Variants in UBE2E1 observed in about 807,000 individuals in gnomAD.
The protein encoded by UBE2E1 is ubiquitin conjugating enzyme E2 E1.
A neutral mutation model predicts 21.4 loss-of-function variants in UBE2E1; 6 were observed. That is an observed-to-expected ratio of 0.28 (90% CI 0.15 to 0.55). The LOEUF is 0.55. UBE2E1 is among the 20% of genes least tolerant of loss of function. The pLI is 0.93. For synonymous variants in UBE2E1, 87 were observed against 82.7 expected (o/e 1.05, Z -0.28); for missense variants, 142 against 236.5 (o/e 0.60, Z 2.62).
In UBE2E1 at chr3:23,870,616, T is replaced by C. The variant is rs1700762588; in HGVS notation, c.204-16951T>C. ...GCTCAGGAGTTCAAGTGGCTTCTCT[T>C]ATTTCCAAAACTATAAAACTGTTCA... On this transcript the variant is annotated intron_variant, in intron 3 of 5. Transcript: ENST00000306627. This position sits in a 1 kb window ranked among gnomAD's most constrained non-coding sequence, Gnocchi z 4.2. 6.6e-6 allele frequency among the ~76,000 whole-genome samples: 1 copy of C among 152,242 alleles called. No homozygotes were observed. The highest frequency in any genetic ancestry group is 1.5e-5 in the Non-Finnish European group (1 of 68,044).
chr3:23,836,835 ATGAT>A lies in UBE2E1; in HGVS notation c.203+25330_203+25333del, dbSNP rs539603594. ...CAGGAATCTATTCATTCTGCACACT[ATGAT>A]TGATCTAGTTTATGTTCTCTTTGTG... On this transcript the variant is annotated intron_variant, in intron 3 of 5. Transcript: ENST00000306627. The surrounding 1 kb of genome is among the most constrained non-coding windows in gnomAD (Gnocchi z 4.1). Among the ~76,000 whole-genome samples, 1 of 152,196 alleles carries A rather than the reference ATGAT, an allele frequency of 6.6e-6. No homozygotes were observed. Among genetic ancestry groups the A allele is most frequent in the South Asian group, 2.1e-4 (1 of 4,836 alleles).
intron 3 of UBE2E1, among the ~76,000 whole-genome samples, chr3:23,834,479 T>C (rs12629302): frequency 0.32 from 48,232 of 152,170 alleles, 8,177 homozygotes; most frequent in Middle Eastern, 0.43. Flanking sequence ...CTTTTCTGTG[T>C]TTGCTTCTAA....
At chr3:23,885,340 A>G (rs1034337937) in intron 3 of UBE2E1, among the ~76,000 whole-genome samples, 1 of 152,212 alleles carries the variant, frequency 6.6e-6, no homozygotes, top group Admixed American at 6.5e-5. Context: ...ACATGTAGGC[A>G]GGTAGGCAAA....
chr3:23,869,351 CTTTTTTTTTTTT>C (rs58059005), intron 3 of UBE2E1, among the ~76,000 whole-genome samples: 50,398 of 115,622 alleles, frequency 0.44, 10,255 homozygotes, highest in Middle Eastern at 0.6. Flanking sequence ...TTATGGTATC[CTTTTTTTTTTTT>C]TTTTTTTTTT....
At position 23,806,373 on chromosome 3, in the gene UBE2E1, C is replaced by T. The variant is rs1237487735; in HGVS notation, c.-34+285C>T. Among the ~76,000 whole-genome samples the T allele has an allele frequency of 1.3e-5, 2 of 151,216 alleles. No individual in the cohort carries two copies. Among genetic ancestry groups the T allele is most frequent in the African/African-American group, 4.8e-5 (2 of 41,294 alleles). On this transcript the variant is annotated intron_variant, in intron 1 of 5. Coordinates refer to ENST00000306627, the MANE Select transcript of UBE2E1 (RefSeq NM_003341.5). This position sits in a 1 kb window ranked among gnomAD's most constrained non-coding sequence, Gnocchi z 6.5. ...TCAGCGCTGCCCCAAGAGCCCCCCA[C>T]TGGCCACCGAGGGGCCCGGGAGCGG... is the stretch of plus-strand genomic sequence containing the variant.
At chr3:23,829,147 A>T (rs1220619965) in intron 3 of UBE2E1, among the ~76,000 whole-genome samples, 2 of 120,684 alleles carry the variant, frequency 1.7e-5, no homozygotes, top group Non-Finnish European at 1.7e-5. Flanking sequence ...TATTATTATT[A>T]TTTTGAGACA....
intron 3 of UBE2E1, among the ~76,000 whole-genome samples, chr3:23,869,245 G>T (rs1302820809): frequency 6.6e-6 from 1 of 151,510 alleles, no homozygotes; most frequent in Non-Finnish European, 1.5e-5. Context: ...TTTGAGAACT[G>T]CCTGTGTACT....
chr3:23,812,682 TC>T (rs1699425486), intron 3 of UBE2E1, among the ~76,000 whole-genome samples: 1 of 152,216 alleles, frequency 6.6e-6, no homozygotes, highest in African/African-American at 2.4e-5. Flanking sequence ...TCTGGGGAAT[TC>T]TTTCCTGGCT....
At chr3:23,814,009 C>G (rs1344961012) in intron 3 of UBE2E1, among the ~76,000 whole-genome samples, 1 of 152,182 alleles carries the variant, frequency 6.6e-6, no homozygotes, top group Non-Finnish European at 1.5e-5. Flanking sequence ...TGCCATACTT[C>G]CTTTCTTCAG....
At position 23,824,843 on chromosome 3, in the gene UBE2E1, C is replaced by T. The variant is rs149939977; in HGVS notation, c.203+13333C>T. Among the ~76,000 whole-genome samples the T allele has an allele frequency of 8.4e-3, 1,279 of 152,158 alleles. 20 individuals carry two copies. The highest frequency in any genetic ancestry group is 0.03 in the African/African-American group (1,228 of 41,524). On this transcript the variant is annotated intron_variant, in intron 3 of 5. Transcript: ENST00000306627. Reference sequence around the variant, plus strand: ...AGAAAAAAAAAATGGTTAGCCAGTTCGGTGAAGTTTTCTCAGAAATTTCTT... The same window carrying T: ...AGAAAAAAAAAATGGTTAGCCAGTTTGGTGAAGTTTTCTCAGAAATTTCTT...
rs903372875 is a variant in UBE2E1, at chr3:23,810,750, C to A, written c.153-710C>A. On this transcript the variant is annotated intron_variant, in intron 2 of 5. Transcript: ENST00000306627. This position sits in a 1 kb window ranked among gnomAD's most constrained non-coding sequence, Gnocchi z 5.8. Reference sequence around the variant, plus strand: ...GCAGCCCCCGTGCGGGCACCCTGTTCCCCTCCCCCGCCCGCAACTTCACCG... The same window carrying A: ...GCAGCCCCCGTGCGGGCACCCTGTTACCCTCCCCCGCCCGCAACTTCACCG... The A allele has an allele frequency of 3.3e-5, 10 of 299,542 alleles. No homozygotes were observed. Among genetic ancestry groups the A allele is most frequent in the Admixed American group, 1.0e-4 (2 of 19,108 alleles). 18.6% of individuals were successfully genotyped at this position (299,542 alleles called of 1,614,324 possible). A position where few individuals can be genotyped will look rare whatever the true frequency, so the allele number is the denominator to read the frequency against.
At chr3:23,856,370 AGT>A (rs1340926902) in intron 3 of UBE2E1, among the ~76,000 whole-genome samples, 1 of 152,226 alleles carries the variant, frequency 6.6e-6, no homozygotes, top group Non-Finnish European at 1.5e-5. Context: ...TTTAAAAAGC[AGT>A]GTTAACCCTT....
At chr3:23,866,918 T>A (rs1436148939) in intron 3 of UBE2E1, among the ~76,000 whole-genome samples, 2 of 152,196 alleles carry the variant, frequency 1.3e-5, no homozygotes, top group South Asian at 2.1e-4. Context: ...TTGTGTTGAG[T>A]CCAAAGACAG....
intron 3 of UBE2E1, among the ~76,000 whole-genome samples, chr3:23,858,255 C>G (rs1700481083): frequency 6.6e-6 from 1 of 152,142 alleles, no homozygotes; most frequent in African/African-American, 2.4e-5. Context: ...GAAAAAAAGT[C>G]ATTGTTTACT....
intron 3 of UBE2E1, among the ~76,000 whole-genome samples, chr3:23,838,876 G>GTT (rs35492575): frequency 2.1e-5 from 3 of 144,446 alleles, no homozygotes; most frequent in African/African-American, 2.5e-5. Context: ...TTTGGGTTGA[G>GTT]TTTTTTTTTT....
In UBE2E1 at chr3:23,807,222, T is replaced by C; in HGVS notation, c.-33-15T>C. ...ATGGTTTGTGTGTTTCTGTTTTGTT[T>C]CTCTCCCCCTGCAGGGGCTGTTTGC... is the stretch of plus-strand genomic sequence containing the variant. On this transcript the variant is annotated splice_polypyrimidine_tract_variant and intron_variant, in intron 1 of 5. Transcript: ENST00000306627. The C allele has an allele frequency of 6.3e-7, 1 of 1,575,758 alleles. No homozygotes were observed. The highest frequency in any genetic ancestry group is 8.6e-7 in the Non-Finnish European group (1 of 1,163,448).
At position 23,879,370 on chromosome 3, in the gene UBE2E1, C is replaced by T. The variant is rs187010177; in HGVS notation, c.204-8197C>T. ...TTGGTAGGTACAGTATTTACAAATT[C>T]ATGAGCTGCAGCCTGTATAAGACAG... On this transcript the variant is annotated intron_variant, in intron 3 of 5. Transcript: ENST00000306627. The T allele has an allele frequency of 3.7e-4, 208 of 558,798 alleles. 1 individual carries two copies. The highest frequency in any genetic ancestry group is 3.1e-5 in the Non-Finnish European group (9 of 293,820). The allele number at this position is 558,798 out of a possible 1,614,324, so 34.6% of individuals were successfully genotyped here.
rs138128819 is a variant in UBE2E1, at chr3:23,883,018, C to T, written c.204-4549C>T. Among the ~76,000 whole-genome samples, 906 of 152,312 alleles carry T rather than the reference C, an allele frequency of 5.9e-3. 9 individuals are homozygous for T. The highest frequency in any genetic ancestry group is 0.02 in the African/African-American group (845 of 41,560). On this transcript the variant is annotated intron_variant, in intron 3 of 5. Coordinates refer to ENST00000306627, the MANE Select transcript of UBE2E1 (RefSeq NM_003341.5). ...AGGGGGCTGAAGGGCTCCTCAAGCG[C>T]GGCCAGAGTGGGCACCAAGGCTGAG...
At chr3:23,809,431 G>A (rs571120557) in intron 2 of UBE2E1, among the ~76,000 whole-genome samples, 1 of 152,320 alleles carries the variant, frequency 6.6e-6, no homozygotes, top group East Asian at 1.9e-4. Context: ...GCCTGAATTG[G>A]CAGACTAACA....
Sources: allele counts gnomAD v4.1 joint callset (sites outside exome capture counted in the v4.1 genomes callset), GRCh38; gene constraint gnomAD v4.1.1; non-coding constraint Gnocchi (gnomAD v3.1); transcripts MANE v1.5; gene names NCBI Gene and HGNC (gene_info 2026-07-23, HGNC 2026-07-21).